Variants in PLEKHA6 observed in about 807,000 individuals in gnomAD.
PLEKHA6 encodes pleckstrin homology domain containing A6.
Under a neutral mutation model 116.7 loss-of-function variants are expected in PLEKHA6, and 60 were observed. The ratio of observed to expected loss-of-function variants is 0.51; its 90% CI spans 0.42 to 0.64. PLEKHA6 has a LOEUF of 0.64. PLEKHA6 is among the 30% of genes least tolerant of loss of function. The pLI, the probability that PLEKHA6 is intolerant of heterozygous loss-of-function variation, is 0.00. For missense variants in PLEKHA6, 1,338 were observed against 1,422.7 expected (o/e 0.94, Z 0.96); for synonymous variants, 489 against 556.1 (o/e 0.88, Z 1.70).
chr1:204,293,877 G>T (rs1344887458), intron 1 of PLEKHA6, among the ~76,000 whole-genome samples: 1 of 152,190 alleles, frequency 6.6e-6, no homozygotes, highest in African/African-American at 2.4e-5. Context: ...CATGGAGAAA[G>T]GCTGAGGGAC....
chr1:204,313,313 A>T (rs1671733123), intron 1 of PLEKHA6, among the ~76,000 whole-genome samples: 1 of 152,134 alleles, frequency 6.6e-6, no homozygotes, highest in South Asian at 2.1e-4. Context: ...CACTTCACAC[A>T]ATAGTCAGGC....
intron 1 of PLEKHA6, among the ~76,000 whole-genome samples, chr1:204,346,124 T>C (rs550258097): frequency 6.6e-6 from 1 of 152,180 alleles, no homozygotes; most frequent in African/African-American, 2.4e-5. Flanking sequence ...CCCCATTGGA[T>C]AGCCCCCTCC....
At chr1:204,317,259 G>A (rs1671894799) in intron 1 of PLEKHA6, 1 of 961,634 alleles carries the variant, frequency 1.0e-6, no homozygotes, top group Non-Finnish European at 1.2e-6. Flanking sequence ...TAGCAGCCCT[G>A]GGTCCTAGCT....
At chr1:204,352,226 T>A (rs1206842270) in intron 1 of PLEKHA6, among the ~76,000 whole-genome samples, 1 of 151,278 alleles carries the variant, frequency 6.6e-6, no homozygotes, top group Non-Finnish European at 1.5e-5. Context: ...ATACCAAAAT[T>A]AGCCCGGCAT....
At chr1:204,340,038 A>G (rs745465008) in intron 1 of PLEKHA6, among the ~76,000 whole-genome samples, 1 of 152,254 alleles carries the variant, frequency 6.6e-6, no homozygotes, top group Non-Finnish European at 1.5e-5. Context: ...AAGTTAATTA[A>G]GCATTACTTT....
intron 1 of PLEKHA6, among the ~76,000 whole-genome samples, chr1:204,345,597 C>T (rs1015933678): frequency 2.0e-5 from 3 of 152,156 alleles, no homozygotes; most frequent in African/African-American, 7.2e-5. Flanking sequence ...CCTCCCCCAG[C>T]GCCCACGTGC....
intron 1 of PLEKHA6, among the ~76,000 whole-genome samples, chr1:204,308,687 C>CTTTTTTTTT (rs60251937): frequency 0.016 from 1,296 of 81,400 alleles, 173 homozygotes; most frequent in Middle Eastern, 0.038. Flanking sequence ...TTTTCTTTTT[C>CTTTTTTTTT]TTTTTTTTTT....
chr1:204,377,213 G>A (rs933689564), intron 1 of PLEKHA6, among the ~76,000 whole-genome samples: 12 of 152,038 alleles, frequency 7.9e-5, no homozygotes, highest in Admixed American at 2.0e-4. Flanking sequence ...GGAAAGTCTC[G>A]GGGAAAATGA....
chr1:204,281,019 C>T (rs1232428985), intron 1 of PLEKHA6: 1 of 983,912 alleles, frequency 1.0e-6, no homozygotes, highest in Non-Finnish European at 1.2e-6. Flanking sequence ...TGGGAAGGAA[C>T]CCCTCCAAAC....
intron 2 of PLEKHA6, chr1:204,369,276 A>G (rs1209130171): frequency 6.6e-6 from 1 of 152,246 alleles, no homozygotes; most frequent in Non-Finnish European, 1.5e-5. Context: ...AGATGAGGAA[A>G]CAGAGGCCCA....
At chr1:204,256,749 T>C in intron 9 of PLEKHA6, 1 of 507,126 alleles carries the variant, frequency 2.0e-6, no homozygotes, top group Non-Finnish European at 3.5e-6. Flanking sequence ...CCACCCTGAG[T>C]GGAGCACGGT....
chr1:204,322,856 A>C (rs990209431), intron 1 of PLEKHA6, among the ~76,000 whole-genome samples: 4 of 152,146 alleles, frequency 2.6e-5, no homozygotes, highest in Non-Finnish European at 5.9e-5. Context: ...AACTGGCCCT[A>C]CGCATTTTGC....
chr1:204,356,369 T>A (rs1218223110), intron 1 of PLEKHA6, among the ~76,000 whole-genome samples: 1 of 151,978 alleles, frequency 6.6e-6, no homozygotes, highest in Non-Finnish European at 1.5e-5. Flanking sequence ...GCACAGGAGT[T>A]CAAGACCAGC....
Position 204,228,854 on chromosome 1 carries a change from G to T in PLEKHA6, c.2759C>A (p.Thr920Asn), listed in dbSNP as rs776482993. ...TTCAGGGATGAGGACTTTGTCTGGAGTGGAGAGCTATGGAGGGGCTGGGGT... is the reference window on the plus strand; with the variant it reads ...TTCAGGGATGAGGACTTTGTCTGGATTGGAGAGCTATGGAGGGGCTGGGGT... Reference protein sequence around the residue: ...YDVDINKELSTPDKVLIPERY... With the variant: ...YDVDINKELSNPDKVLIPERY... The change falls in exon 20 of 23, where the codon ACT (threonine) becomes AAT (asparagine). Residue 920 changes from threonine to asparagine, a missense_variant. Thr to Asn is a moderately conservative substitution (Grantham distance 65). This residue lies in a region of PLEKHA6 where 1,136 missense variants were observed against 1,163.6 expected (regional missense o/e 0.98). Coordinates refer to ENST00000272203, the MANE Select transcript of PLEKHA6 (RefSeq NM_014935.5). This position sits in a 1 kb window ranked among gnomAD's most constrained non-coding sequence, Gnocchi z 4.0. The T allele has an allele frequency of 6.2e-7, 1 of 1,614,170 alleles. No individual in the cohort carries two copies. The highest frequency in any genetic ancestry group is 1.7e-5 in the Admixed American group (1 of 60,018).
chr1:204,366,515 C>T (rs1673649759), intron 3 of PLEKHA6, among the ~76,000 whole-genome samples: 2 of 152,140 alleles, frequency 1.3e-5, no homozygotes, highest in South Asian at 4.1e-4. Context: ...AATCCCAGCA[C>T]TTTGGGAGGC....
upstream of PLEKHA6, among the ~76,000 whole-genome samples, chr1:204,364,814 C>G (rs924103214): frequency 2.6e-5 from 4 of 152,216 alleles, no homozygotes; most frequent in Non-Finnish European, 5.9e-5. Flanking sequence ...ATTCTAGACC[C>G]TCTGAATCCG....
intron 1 of PLEKHA6, among the ~76,000 whole-genome samples, chr1:204,373,289 A>G (rs1231991751): frequency 6.6e-6 from 1 of 151,950 alleles, no homozygotes; most frequent in East Asian, 1.9e-4. Context: ...ACGGAGTTTC[A>G]CCATGTTGGC....
In PLEKHA6 at chr1:204,330,484, C is replaced by A. The variant is rs144336116; in HGVS notation, c.-95+29210G>T. On this transcript the variant is annotated intron_variant, in intron 1 of 22. Coordinates refer to ENST00000272203, the MANE Select transcript of PLEKHA6 (RefSeq NM_014935.5). ...TCTCTACTTTTGTGTATGCTTGATTCTCTAATAAAAAGCTTTAAAAATATA... is the reference window on the plus strand; with the variant it reads ...TCTCTACTTTTGTGTATGCTTGATTATCTAATAAAAAGCTTTAAAAATATA... Among the ~76,000 whole-genome samples the A allele has an allele frequency of 2.4e-4, 37 of 152,294 alleles. No individual in the cohort carries two copies. The East Asian group carries it at 5.4e-3, about 22-fold the overall frequency.
chr1:204,273,247 C>T (rs1428413734), intron 3 of PLEKHA6, among the ~76,000 whole-genome samples: 1 of 152,224 alleles, frequency 6.6e-6, no homozygotes, highest in African/African-American at 2.4e-5. Flanking sequence ...CAAGGGACAA[C>T]TGACAATGTC....
Sources: gnomAD v4.1 joint callset for allele counts (sites outside exome capture counted in the v4.1 genomes callset) on GRCh38, gnomAD v4.1.1 for gene constraint, gnomAD v4.1.1 regional missense constraint, Gnocchi (gnomAD v3.1) non-coding constraint, MANE v1.5 for transcripts, NCBI Gene and HGNC (gene_info 2026-07-23, HGNC 2026-07-21) for gene names.